ITPR2: variants seen among roughly 807,000 people sequenced by gnomAD.
ITPR2 encodes the protein inositol 1,4,5-trisphosphate receptor type 2.
In ITPR2, 207 loss-of-function variants were observed where a neutral mutation model predicts 317.1. The ratio of observed to expected loss-of-function variants is 0.65; its 90% CI spans 0.58 to 0.73. The LOEUF (loss-of-function observed/expected upper bound fraction) is 0.73, where lower values mean the gene tolerates loss of function less well. Among genes scored for constraint, ITPR2 ranks in the 30% least tolerant of loss-of-function variants. The pLI is 0.00. For synonymous variants in ITPR2, 1,156 were observed against 1,149.1 expected (o/e 1.01, Z -0.12); for missense variants, 2,613 against 3,284.0 (o/e 0.80, Z 4.99).
intron 34 of ITPR2, among the ~76,000 whole-genome samples, chr12:26,566,762 C>T (rs764352909): frequency 2.0e-5 from 3 of 152,108 alleles, no homozygotes; most frequent in Non-Finnish European, 4.4e-5. Context: ...ATTCATGATA[C>T]GCTTCCCTTT....
intron 2 of ITPR2, among the ~76,000 whole-genome samples, chr12:26,784,949 C>A (rs1950191304): frequency 4.7e-4 from 1 of 2,112 alleles, no homozygotes; most frequent in Non-Finnish European, 1.6e-3. Flanking sequence ...GCGTCTCTGC[C>A]CCGCCGCCCT....
chr12:26,810,293 GC>G (rs773331450), intron 1 of ITPR2, among the ~76,000 whole-genome samples: 7 of 152,078 alleles, frequency 4.6e-5, no homozygotes, highest in African/African-American at 9.7e-5. Context: ...AATCCTTATA[GC>G]TTTTTTTTCA....
At chr12:26,590,477 T>C (rs1945670863) in intron 32 of ITPR2, among the ~76,000 whole-genome samples, 1 of 152,068 alleles carries the variant, frequency 6.6e-6, no homozygotes, top group South Asian at 2.1e-4. Flanking sequence ...ACACCTACAA[T>C]GAACTCATTT....
At chr12:26,365,745 T>A (rs1223683877) in intron 55 of ITPR2, among the ~76,000 whole-genome samples, 2 of 152,214 alleles carry the variant, frequency 1.3e-5, no homozygotes, top group Non-Finnish European at 2.9e-5. Flanking sequence ...AACAATTCTA[T>A]CTGACTAAGA....
chr12:26,754,129 C>T (rs893781931), intron 2 of ITPR2, among the ~76,000 whole-genome samples: 6 of 151,874 alleles, frequency 4.0e-5, no homozygotes, highest in Admixed American at 3.3e-4. Flanking sequence ...ATTTAGTTCA[C>T]GTGATTTAAA....
intron 45 of ITPR2, among the ~76,000 whole-genome samples, chr12:26,467,094 A>G (rs1942186172): frequency 6.6e-6 from 1 of 152,208 alleles, no homozygotes; most frequent in Non-Finnish European, 1.5e-5. Flanking sequence ...TCTCTAAGGA[A>G]AACACTGTAA....
At chr12:26,661,010 G>C (rs1386122763) in intron 15 of ITPR2, among the ~76,000 whole-genome samples, 2 of 151,376 alleles carry the variant, frequency 1.3e-5, no homozygotes, top group African/African-American at 2.4e-5. Context: ...TAAAAAATCA[G>C]AAAGCTGCTT....
chr12:26,798,069 G>C (rs1311178770), intron 1 of ITPR2, among the ~76,000 whole-genome samples: 1 of 151,950 alleles, frequency 6.6e-6, no homozygotes, highest in Non-Finnish European at 1.5e-5. Flanking sequence ...CACTCTGCTT[G>C]ACTACATGAA....
intron 52 of ITPR2, among the ~76,000 whole-genome samples, chr12:26,405,273 G>T (rs1238555082): frequency 6.6e-6 from 1 of 152,186 alleles, no homozygotes; most frequent in East Asian, 1.9e-4. Context: ...ATATACCTAT[G>T]AAGAACTTAG....
At chr12:26,601,578 A>C (rs1040281773) in intron 28 of ITPR2, among the ~76,000 whole-genome samples, 1 of 152,228 alleles carries the variant, frequency 6.6e-6, no homozygotes, top group Non-Finnish European at 1.5e-5. Flanking sequence ...GACAATCTGG[A>C]AATCAAAATA....
chr12:26,577,381 C>G (rs941071328), intron 34 of ITPR2, among the ~76,000 whole-genome samples: 1 of 152,184 alleles, frequency 6.6e-6, no homozygotes, highest in African/African-American at 2.4e-5. Flanking sequence ...ATTAGTTTAT[C>G]TGAGGAGAAC....
chr12:26,656,316 T>C lies in ITPR2; in HGVS notation c.2425A>G (p.Thr809Ala). ...RYARLWTEIP[T>A]KITIHEYDSI... ...ACATACTCATGAATTGTGATCTTTGTGGGGATTTCTGTCCAGAGCCTGGCA... is the reference window on the plus strand; with the variant it reads ...ACATACTCATGAATTGTGATCTTTGCGGGGATTTCTGTCCAGAGCCTGGCA... Residue 809 changes from threonine to alanine, a missense_variant, in exon 19 of 57, where the codon ACA (threonine) becomes GCA (alanine). Thr to Ala is a moderately conservative substitution (Grantham distance 58, BLOSUM62 0). This residue lies in a region of ITPR2 where 817 missense variants were observed against 897.6 expected (regional missense o/e 0.91). Coordinates refer to ENST00000381340, the MANE Select transcript of ITPR2 (RefSeq NM_002223.4). 6.2e-7 allele frequency: 1 copy of C among 1,614,168 alleles called. No individual in the cohort carries two copies. The highest frequency in any genetic ancestry group is 8.5e-7 in the Non-Finnish European group (1 of 1,180,032).
At chr12:26,740,978 T>C (rs1430314073) in intron 2 of ITPR2, among the ~76,000 whole-genome samples, 1 of 152,258 alleles carries the variant, frequency 6.6e-6, no homozygotes, top group East Asian at 1.9e-4. Context: ...ATGATTCCAC[T>C]TCTGCTACCA....
chr12:26,496,030 T>C (rs914257812), intron 37 of ITPR2, among the ~76,000 whole-genome samples: 44 of 152,240 alleles, frequency 2.9e-4, no homozygotes, highest in African/African-American at 9.4e-4. Context: ...ATAATACATT[T>C]TGTAATATAA....
Position 26,621,297 on chromosome 12 carries a change from C to T in ITPR2, c.3289-1G>A. ...CTTGATTAGACACCAGTAATTGCAC[C>T]TAAAACAGAAGAATTTCAATCTTAG... On this transcript the variant is annotated splice_acceptor_variant, in intron 25 of 56. Coordinates refer to ENST00000381340, the MANE Select transcript of ITPR2 (RefSeq NM_002223.4). LOFTEE classifies it high-confidence loss of function. 1 of 1,599,368 alleles carries T rather than the reference C, an allele frequency of 6.3e-7. No homozygotes were observed. Among genetic ancestry groups the T allele is most frequent in the Non-Finnish European group, 8.5e-7 (1 of 1,172,782 alleles).
chr12:26,768,839 A>G (rs2137144266), intron 2 of ITPR2, among the ~76,000 whole-genome samples: 1 of 152,306 alleles, frequency 6.6e-6, no homozygotes, highest in East Asian at 1.9e-4. Flanking sequence ...ATTTCTAAAC[A>G]GAGCTGAAGC....
At chr12:26,655,981 C>T in intron 19 of ITPR2, 129 bp from the exon 20 acceptor site, 1 of 910,342 alleles carries the variant, frequency 1.1e-6, no homozygotes, top group Non-Finnish European at 1.7e-6. Context: ...GCTGGGTCCT[C>T]ATCTGTAAAA....
intron 40 of ITPR2, 53 bp from the exon 41 acceptor site, chr12:26,486,413 TAA>T (rs36049222): frequency 6.0e-5 from 58 of 974,036 alleles, no homozygotes; most frequent in Admixed American, 2.1e-4. Flanking sequence ...TTTTACTAAT[TAA>T]AAAAAAAAAA....
intron 52 of ITPR2, among the ~76,000 whole-genome samples, chr12:26,404,952 G>C (rs1474027337): frequency 1.3e-5 from 2 of 152,070 alleles, no homozygotes; most frequent in Non-Finnish European, 2.9e-5. Flanking sequence ...TGGCCAACAT[G>C]GTGAAACACT....
Sources: allele counts gnomAD v4.1 joint callset (sites outside exome capture counted in the v4.1 genomes callset), GRCh38; gene constraint gnomAD v4.1.1; regional missense constraint gnomAD v4.1.1; transcripts MANE v1.5; gene names NCBI Gene and HGNC (gene_info 2026-07-23, HGNC 2026-07-21).